The following CCDC38 variants were observed in gnomAD, a reference collection of about 807,000 sequenced individuals.
The protein encoded by CCDC38 is coiled-coil domain containing 38.
CCDC38 carries 69 observed loss-of-function variants against 72.8 expected under a neutral mutation model. That is an observed-to-expected ratio of 0.95 (90% CI 0.78 to 1.16). The LOEUF is 1.16. Among genes scored for constraint, CCDC38 ranks in the 50% most tolerant of loss-of-function variants. The pLI, the probability that CCDC38 is intolerant of heterozygous loss-of-function variation, is 0.00. For missense variants in CCDC38, 626 were observed against 638.9 expected (o/e 0.98, Z 0.22); for synonymous variants, 201 against 213.2 (o/e 0.94, Z 0.50).
intron 1 of CCDC38, 126 bp from the exon 2 acceptor site, chr12:95,936,649 C>A: frequency 1.7e-6 from 1 of 602,004 alleles, no homozygotes; most frequent in East Asian, 3.0e-5. Context: ...CACACACATA[C>A]TCTTTGACCC....
chr12:95,910,598 A>G (rs1248163333), intron 4 of CCDC38, among the ~76,000 whole-genome samples: 4 of 152,230 alleles, frequency 2.6e-5, no homozygotes, highest in Admixed American at 6.5e-5. Context: ...ATGGTGGCTC[A>G]TGCCTGTAAT....
At chr12:95,924,406 TTTGG>T in intron 2 of CCDC38, among the ~76,000 whole-genome samples, 1 of 140,610 alleles carries the variant, frequency 7.1e-6, no homozygotes, top group East Asian at 2.6e-4. Context: ...TTCTTGTAAA[TTTGG>T]TTGAGTTCAT....
chr12:95,932,597 G>T (rs971806151), intron 2 of CCDC38, among the ~76,000 whole-genome samples: 5 of 152,096 alleles, frequency 3.3e-5, no homozygotes, highest in African/African-American at 2.4e-5. Flanking sequence ...TGAAATAACT[G>T]CATAACATAA....
intron 2 of CCDC38, among the ~76,000 whole-genome samples, chr12:95,922,923 C>T (rs567471183): frequency 6.6e-6 from 1 of 152,126 alleles, no homozygotes; most frequent in Non-Finnish European, 1.5e-5. Context: ...AATGTTATTT[C>T]TGGTTGTGTC....
intron 9 of CCDC38, 127 bp downstream of exon 9, chr12:95,890,705 C>T: frequency 3.6e-6 from 2 of 559,986 alleles, no homozygotes; most frequent in South Asian, 4.9e-5. Flanking sequence ...GAGCCCCTGG[C>T]TGCTAGGATT....
chr12:95,898,646 T>G lies in CCDC38; in HGVS notation c.455A>C (p.Lys152Thr). The G allele has an allele frequency of 6.2e-7, 1 of 1,614,232 alleles. No individual in the cohort carries two copies. Among genetic ancestry groups the G allele is most frequent in the Non-Finnish European group, 8.5e-7 (1 of 1,180,044 alleles). ...GGCCAGTGCATCATCTTGGAGCTTT[T>G]TCTCTGCTTTTTTTAGTTGCCGTTC... ...MRERQLKKAE[K>T]KLQDDALAFE... Residue 152 changes from lysine (K) to threonine (T), a missense_variant, in exon 6 of 16, where the codon AAA becomes ACA. Transcript: ENST00000344280.
chr12:95,868,956 C>T (rs1355968108), intron 15 of CCDC38, among the ~76,000 whole-genome samples: 1 of 152,186 alleles, frequency 6.6e-6, no homozygotes, highest in Non-Finnish European at 1.5e-5. Flanking sequence ...CCCACAGTTA[C>T]ATGCGATTCT....
intron 2 of CCDC38, among the ~76,000 whole-genome samples, chr12:95,932,392 A>G (rs1173809894): frequency 6.6e-6 from 1 of 151,292 alleles, no homozygotes; most frequent in Non-Finnish European, 1.5e-5. Flanking sequence ...TCTTCCTTCC[A>G]TTTGTTTCTT....
rs755695786 is a variant in CCDC38 at position 95,878,354 on chromosome 12, A to G, written c.1143-8T>C. On this transcript the variant is annotated splice_polypyrimidine_tract_variant and splice_region_variant and intron_variant, in intron 12 of 15. Transcript: ENST00000344280. ...AACTCTATGTTGCTATTTCTATTAC[A>G]AAAGAAGAAAGAGACCCTCATCTGA... is the stretch of plus-strand genomic sequence containing the variant. 14 of 1,606,700 alleles carry G rather than the reference A, an allele frequency of 8.7e-6. No homozygotes were observed. The highest frequency in any genetic ancestry group is 5.2e-5 in the Admixed American group (3 of 58,242).
At chr12:95,889,869 AT>A (rs2079803839) in intron 9 of CCDC38, among the ~76,000 whole-genome samples, 2 of 151,932 alleles carry the variant, frequency 1.3e-5, no homozygotes, top group South Asian at 2.1e-4. Context: ...AGAAATACAG[AT>A]TTTTTTCATG....
chr12:95,920,666 G>A (rs1327143023), intron 2 of CCDC38, among the ~76,000 whole-genome samples: 1 of 152,096 alleles, frequency 6.6e-6, no homozygotes, highest in Admixed American at 6.6e-5. Flanking sequence ...CATGGAGATA[G>A]AAAGTAGGTG....
intron 8 of CCDC38, 70 bp from the exon 9 acceptor site, chr12:95,891,000 A>G (rs2079820675): frequency 1.2e-6 from 1 of 833,936 alleles, no homozygotes. Context: ...TGAGAAAGAG[A>G]GCTTTGTCTC....
At chr12:95,934,133 G>A (rs1429706864) in intron 2 of CCDC38, 1 of 151,896 alleles carries the variant, frequency 6.6e-6, no homozygotes, top group Non-Finnish European at 1.5e-5. Context: ...AAACTAAAAT[G>A]AAAAATATGC....
At chr12:95,885,457 A>G in intron 10 of CCDC38, 1 of 180,300 alleles carries the variant, frequency 5.5e-6, no homozygotes, top group Non-Finnish European at 1.2e-5. Flanking sequence ...TCCTGTAACA[A>G]GACTGTTGCC....
chr12:95,888,414 A>C lies in CCDC38; in HGVS notation c.920+44T>G, dbSNP rs757352047. The stretch of plus-strand genomic sequence containing the variant: ...AGGCTTTAAAAGTTATTTGCTGAAA[A>C]CCATTCCCAGTTTCCAAGGGAGTTA... On this transcript the variant is annotated intron_variant, in intron 10 of 15. Transcript: ENST00000344280. 22 of 1,555,158 alleles carry C rather than the reference A, an allele frequency of 1.4e-5. No homozygotes were observed. The South Asian group carries it at 2.5e-4, about 17-fold the overall frequency.
At chr12:95,927,708 TCAGGAGCTCTTGTAGGG>T (rs950362694) in intron 2 of CCDC38, among the ~76,000 whole-genome samples, 6 of 152,198 alleles carry the variant, frequency 3.9e-5, no homozygotes, top group African/African-American at 1.4e-4. Context: ...AGCACTTCCT[TCAGGAGCTCTTGTAGGG>T]CAGGCCTGGT....
chr12:95,886,376 A>G (rs899629945), intron 10 of CCDC38, among the ~76,000 whole-genome samples: 2 of 152,220 alleles, frequency 1.3e-5, no homozygotes, highest in African/African-American at 4.8e-5. Context: ...AAGAAAAAAT[A>G]TGGAAAAAAA....
At chr12:95,932,336 G>A (rs918724174) in intron 2 of CCDC38, among the ~76,000 whole-genome samples, 2 of 151,952 alleles carry the variant, frequency 1.3e-5, no homozygotes, top group South Asian at 4.2e-4. Flanking sequence ...TGCATATGAG[G>A]TATTTTCCCT....
In CCDC38 at chr12:95,898,473, G is replaced by A; in HGVS notation, c.534-8C>T. The stretch of plus-strand genomic sequence containing the variant: ...ATTGTTTCCTGTGCTGCCCTGAAAA[G>A]CAATGAAGATCTGTTAATTTGCTTC... On this transcript the variant is annotated splice_region_variant and splice_polypyrimidine_tract_variant and intron_variant, in intron 6 of 15. Coordinates refer to ENST00000344280, the MANE Select transcript of CCDC38 (RefSeq NM_182496.3). 1 of 1,613,976 alleles carries A rather than the reference G, an allele frequency of 6.2e-7. No individual in the cohort carries two copies.
Sources: allele counts gnomAD v4.1 joint callset (sites outside exome capture counted in the v4.1 genomes callset), GRCh38; gene constraint gnomAD v4.1.1; transcripts MANE v1.5; gene names NCBI Gene and HGNC (gene_info 2026-07-23, HGNC 2026-07-21).